Variants in FAF1 observed in about 807,000 individuals in gnomAD.
FAF1 encodes FAS-associated factor 1.
FAF1 carries 25 observed loss-of-function variants against 92.5 expected under a neutral mutation model. The ratio of observed to expected loss-of-function variants is 0.27; its 90% CI spans 0.20 to 0.38. FAF1 has a LOEUF of 0.38. Among genes scored for constraint, FAF1 ranks in the 10% least tolerant of loss-of-function variants. The pLI is 1.00. For missense variants in FAF1, 636 were observed against 793.3 expected, an observed-to-expected ratio of 0.80 and a Z score of 2.38; for synonymous variants, 234 against 273.2, an observed-to-expected ratio of 0.86 and a Z score of 1.42.
chr1:50,744,866 C>G (rs1388962178), intron 4 of FAF1, 91 bp from the exon 5 acceptor site: 9 of 652,666 alleles, frequency 1.4e-5, no homozygotes, highest in Non-Finnish European at 2.4e-5. Context: ...ATGTGGCATA[C>G]AGTGTACAGT....
At chr1:50,879,456 A>G (rs1644594803) in intron 1 of FAF1, among the ~76,000 whole-genome samples, 1 of 152,218 alleles carries the variant, frequency 6.6e-6, no homozygotes, top group Admixed American at 6.5e-5. Context: ...TATGAACCAG[A>G]ATGAAAATAA....
intron 1 of FAF1, among the ~76,000 whole-genome samples, chr1:50,947,214 A>C (rs1290848267): frequency 1.3e-5 from 2 of 152,332 alleles, no homozygotes; most frequent in East Asian, 3.9e-4. Context: ...GAGGATGGGG[A>C]GGGCAAAAGA....
At chr1:50,563,307 T>A (rs1650018718) in intron 13 of FAF1, among the ~76,000 whole-genome samples, 1 of 152,188 alleles carries the variant, frequency 6.6e-6, no homozygotes, top group African/African-American at 2.4e-5. Flanking sequence ...GTCACACACC[T>A]GTAGTCCCAG....
In FAF1 at chr1:50,599,096, T is replaced by C. The variant is rs557005133; in HGVS notation, c.745-2880A>G. On this transcript the variant is annotated intron_variant, in intron 8 of 18. Coordinates refer to ENST00000396153, the MANE Select transcript of FAF1 (RefSeq NM_007051.3). The stretch of plus-strand genomic sequence containing the variant: ...AATAATACTTAAATGGCATTAGACT[T>C]TTTCACTGTGTTGTATTTATTTATT... 2.4e-4 allele frequency among the ~76,000 whole-genome samples: 36 copies of C among 152,238 alleles called. No homozygotes were observed. In the South Asian group the frequency reaches 7.1e-3, roughly 30 times the overall value.
intron 17 of FAF1, among the ~76,000 whole-genome samples, chr1:50,485,970 CT>C (rs1170444627): frequency 6.6e-6 from 1 of 152,094 alleles, no homozygotes; most frequent in African/African-American, 2.4e-5. Flanking sequence ...GATCCAATCA[CT>C]TTCCAGCAGG....
intron 17 of FAF1, among the ~76,000 whole-genome samples, chr1:50,486,220 G>A (rs1646767120): frequency 6.6e-6 from 1 of 152,176 alleles, no homozygotes; most frequent in Non-Finnish European, 1.5e-5. Flanking sequence ...TGGGTAGACA[G>A]GCAAAAATTA....
At chr1:50,590,211 T>A (rs529187433) in intron 9 of FAF1, among the ~76,000 whole-genome samples, 1 of 152,232 alleles carries the variant, frequency 6.6e-6, no homozygotes, top group African/African-American at 2.4e-5. Context: ...AAAACCACCA[T>A]TGGAATTTTG....
At chr1:50,753,947 G>A (rs1225170572) in intron 4 of FAF1, among the ~76,000 whole-genome samples, 5 of 151,772 alleles carry the variant, frequency 3.3e-5, no homozygotes, top group Non-Finnish European at 7.4e-5. Context: ...TGGCAGAGAC[G>A]GGGTTTCAAC....
intron 7 of FAF1, among the ~76,000 whole-genome samples, chr1:50,705,092 G>T (rs1292152663): frequency 6.6e-6 from 1 of 152,158 alleles, no homozygotes; most frequent in African/African-American, 2.4e-5. Context: ...TCATTTCAAT[G>T]TTTCTAAACA....
At chr1:50,451,009 A>G (rs1242230813) in intron 18 of FAF1, among the ~76,000 whole-genome samples, 2 of 152,188 alleles carry the variant, frequency 1.3e-5, no homozygotes, top group Non-Finnish European at 2.9e-5. Context: ...CTGGACCACA[A>G]GAAAGAAGTG....
At chr1:50,491,589 ATTC>A (rs1572781365) in intron 16 of FAF1, 129 bp downstream of exon 16, 3 of 628,422 alleles carry the variant, frequency 4.8e-6, no homozygotes, top group Middle Eastern at 2.6e-4. Flanking sequence ...ATAGGATTAT[ATTC>A]TTTCTGTTAA....
At chr1:50,525,510 A>G (rs947765697) in intron 15 of FAF1, among the ~76,000 whole-genome samples, 1 of 152,160 alleles carries the variant, frequency 6.6e-6, no homozygotes, top group Non-Finnish European at 1.5e-5. Flanking sequence ...GCAAATAGAG[A>G]TAATTTTACT....
At chr1:50,684,779 C>A (rs1656579592) in intron 7 of FAF1, among the ~76,000 whole-genome samples, 1 of 152,208 alleles carries the variant, frequency 6.6e-6, no homozygotes, top group African/African-American at 2.4e-5. Context: ...ATAGATAGAA[C>A]GTGATATAGA....
intron 15 of FAF1, among the ~76,000 whole-genome samples, chr1:50,521,015 A>G (rs1206405807): frequency 6.6e-6 from 1 of 152,148 alleles, no homozygotes; most frequent in Non-Finnish European, 1.5e-5. Flanking sequence ...CAGGACTGGC[A>G]CTCATACTGT....
intron 4 of FAF1, among the ~76,000 whole-genome samples, chr1:50,754,017 A>G (rs760895985): frequency 1.8e-4 from 28 of 151,970 alleles, no homozygotes; most frequent in Non-Finnish European, 3.7e-4. Context: ...TGGCCTCCCA[A>G]ACTGCTGGGA....
intron 1 of FAF1, among the ~76,000 whole-genome samples, chr1:50,886,677 CT>C (rs1644668556): frequency 6.6e-6 from 1 of 152,098 alleles, no homozygotes; most frequent in Non-Finnish European, 1.5e-5. Flanking sequence ...TGGTTTCCAG[CT>C]TCATCCATGT....
At chr1:50,718,891 A>C (rs1234574967) in intron 6 of FAF1, among the ~76,000 whole-genome samples, 1 of 152,234 alleles carries the variant, frequency 6.6e-6, no homozygotes, top group Non-Finnish European at 1.5e-5. Flanking sequence ...TTAAATTTCC[A>C]TTCTAAACTT....
chr1:50,494,943 G>GTT (rs1442048298), intron 15 of FAF1, among the ~76,000 whole-genome samples: 1 of 152,046 alleles, frequency 6.6e-6, no homozygotes, highest in African/African-American at 2.4e-5. Context: ...GTTAAGAAGT[G>GTT]TTAGAATTAT....
intron 15 of FAF1, among the ~76,000 whole-genome samples, chr1:50,497,783 C>T (rs183630453): frequency 5.3e-4 from 80 of 151,778 alleles, no homozygotes; most frequent in East Asian, 1.4e-3. Context: ...CTCCTGGGCT[C>T]GTGATCCACC....
Sources: gnomAD v4.1 joint callset for allele counts (sites outside exome capture counted in the v4.1 genomes callset) on GRCh38, gnomAD v4.1.1 for gene constraint, MANE v1.5 for transcripts, NCBI Gene and HGNC (gene_info 2026-07-23, HGNC 2026-07-21) for gene names.